Variants in TPCN2 observed in about 807,000 individuals in gnomAD.
TPCN2 encodes the protein two pore channel protein 2.
A neutral mutation model predicts 111.4 loss-of-function variants in TPCN2; 92 were observed. The observed-to-expected ratio is 0.83, with a 90% CI of 0.70 to 0.98. The LOEUF (loss-of-function observed/expected upper bound fraction) is 0.98. TPCN2 is among the 50% of genes least tolerant of loss of function. The probability of loss-of-function intolerance (pLI) is 0.00; values close to 1 mark genes in which losing one functional copy is unlikely to be tolerated. For missense variants in TPCN2, 995 were observed against 980.1 expected (o/e 1.02, Z -0.20); for synonymous variants, 405 against 414.5 (o/e 0.98, Z 0.28).
chr11:69,087,140 G>A lies in TPCN2; in HGVS notation c.2114G>A (p.Ser705Asn), dbSNP rs760181467. 4.3e-6 allele frequency: 7 copies of A among 1,613,898 alleles called. No individual in the cohort carries two copies. In the South Asian group the frequency reaches 4.4e-5, roughly 10 times the overall value. ...TTCCTTCACAAGTGGGACCCCCGCAGCCACCTGCAGCCCCTTGCTGGGACC... is the reference window on the plus strand; with the variant it reads ...TTCCTTCACAAGTGGGACCCCCGCAACCACCTGCAGCCCCTTGCTGGGACC... Reference protein sequence around the residue: ...ENFLHKWDPRSHLQPLAGTPE... With the variant: ...ENFLHKWDPRNHLQPLAGTPE... Residue 705 changes from serine to asparagine, a missense_variant, in exon 24 of 25, where the codon AGC becomes AAC. Physicochemically the swap from Ser to Asn is conservative, Grantham distance 46. Coordinates refer to ENST00000294309, the MANE Select transcript of TPCN2 (RefSeq NM_139075.4).
At chr11:69,052,741 C>T (rs904172377) in intron 1 of TPCN2, among the ~76,000 whole-genome samples, 2 of 152,182 alleles carry the variant, frequency 1.3e-5, no homozygotes, top group Non-Finnish European at 2.9e-5. Flanking sequence ...TGGCCAGTGG[C>T]GTGGGCGGGT....
intron 1 of TPCN2, among the ~76,000 whole-genome samples, chr11:69,053,820 T>A (rs1304774605): frequency 1.3e-5 from 2 of 152,214 alleles, no homozygotes; most frequent in East Asian, 3.8e-4. Context: ...TGCCGTGCCC[T>A]GGGCCTGGCC....
chr11:69,068,354 C>T (rs576629480), intron 8 of TPCN2, among the ~76,000 whole-genome samples: 144 of 106,032 alleles, frequency 1.4e-3, no homozygotes, highest in African/African-American at 5.2e-3. Flanking sequence ...GGGAGCAGGA[C>T]CGTCTGAGTC....
Position 69,078,960 on chromosome 11 carries a change from G to A in TPCN2, c.1479G>A (p.Leu493=). 6.2e-7 allele frequency: 1 copy of A among 1,614,066 alleles called. No homozygotes were observed. The part of the protein sequence containing the change: ...EMLLKVFALG[L]RGYLSYPSNV... ...TGCTCAAGGTCTTTGCCCTGGGCCT[G>A]CGAGGGTACCTGTCCTACCCCAGCA... The change falls in exon 16 of 25, where the codon CTG becomes CTA. Residue 493 remains leucine (L), a synonymous_variant. Coordinates refer to ENST00000294309, the MANE Select transcript of TPCN2 (RefSeq NM_139075.4).
At chr11:69,086,487 A>G (rs1183416709) in intron 22 of TPCN2, 36 bp from the exon 23 acceptor site, 7 of 1,586,514 alleles carry the variant, frequency 4.4e-6, no homozygotes, top group Non-Finnish European at 6.1e-6. Context: ...TGCTTTGCTC[A>G]TCGTGGTTCA....
At chr11:69,067,236 CT>C (rs1260798342) in intron 7 of TPCN2, among the ~76,000 whole-genome samples, 1 of 152,214 alleles carries the variant, frequency 6.6e-6, no homozygotes, top group African/African-American at 2.4e-5. Flanking sequence ...ACTAGGCTGG[CT>C]GAGGGCTTTT....
In TPCN2 at chr11:69,079,197, G is replaced by A. The variant is rs559468174; in HGVS notation, c.1539+177G>A. 274 of 786,282 alleles carry A rather than the reference G, an allele frequency of 3.5e-4. 3 individuals carry two copies. In the South Asian group the frequency reaches 4.0e-3, roughly 12 times the overall value. The allele number at this position is 786,282 out of a possible 1,614,324, so 48.7% of individuals were successfully genotyped here. A position where few individuals can be genotyped will look rare whatever the true frequency, so the allele number is the denominator to read the frequency against. On this transcript the variant is annotated intron_variant, in intron 16 of 24. Coordinates refer to ENST00000294309, the MANE Select transcript of TPCN2 (RefSeq NM_139075.4). ...TGGCCGAGTTGCTCAGTGGGCAGCCGGTGAGGTCTTTAGGAGGCTGGGTTT... is the reference window on the plus strand; with the variant it reads ...TGGCCGAGTTGCTCAGTGGGCAGCCAGTGAGGTCTTTAGGAGGCTGGGTTT...
intron 17 of TPCN2, among the ~76,000 whole-genome samples, chr11:69,081,198 G>T (rs534593454): frequency 6.6e-6 from 1 of 152,126 alleles, no homozygotes; most frequent in Non-Finnish European, 1.5e-5. Flanking sequence ...GGCTGCAGGT[G>T]GAAGCGGAGC....
chr11:69,058,346 G>A (rs897133456), intron 5 of TPCN2, among the ~76,000 whole-genome samples: 2 of 152,162 alleles, frequency 1.3e-5, no homozygotes, highest in Non-Finnish European at 2.9e-5. Flanking sequence ...CAGAACCACC[G>A]GGAGCAGTCC....
Position 69,048,956 on chromosome 11 carries a change from GC to G in TPCN2, c.-41del. The G allele has an allele frequency of 8.3e-7, 1 of 1,204,530 alleles. No homozygotes were observed. Among genetic ancestry groups the G allele is most frequent in the Non-Finnish European group, 1.0e-6 (1 of 959,888 alleles). 74.6% of individuals were successfully genotyped at this position (1,204,530 alleles called of 1,614,324 possible). ...CGCAGTGAAGCTGGGCGCCTTCGGG[GC>G]TTGAGCTTCTGAGGGTCGGGTCCAG... On this transcript the variant is annotated 5_prime_UTR_variant, in exon 1 of 25. Transcript: ENST00000294309.
At chr11:69,054,826 G>T (rs1416881010) in intron 3 of TPCN2, 29 bp downstream of exon 3, 1 of 1,607,544 alleles carries the variant, frequency 6.2e-7, no homozygotes, top group Admixed American at 1.7e-5. Context: ...GGAACTCAGG[G>T]TTCCTGCCGG....
intron 16 of TPCN2, chr11:69,079,350 G>A (rs895793394): frequency 1.1e-5 from 4 of 367,648 alleles, no homozygotes; most frequent in Admixed American, 4.4e-5. Context: ...ACTGATAGAC[G>A]GTGTGACCTC....
At position 69,085,682 on chromosome 11, in the gene TPCN2, C is replaced by T; in HGVS notation, c.1850C>T (p.Ala617Val). Residue 617 changes from alanine (A) to valine (V), a missense_variant, in exon 21 of 25, where the codon GCC becomes GTC. By Grantham distance (64) the Ala-to-Val change is moderately conservative (BLOSUM62 0). Coordinates refer to ENST00000294309, the MANE Select transcript of TPCN2 (RefSeq NM_139075.4). ...ALPGNSSLAP[A>V]NGSAPCGSFE... Reference sequence around the variant, plus strand: ...GTTGTGTTCCCCAGCCTGGCCCCTGCCAATGGCTCGGCGCCCTGTGGGAGC... The same window carrying T: ...GTTGTGTTCCCCAGCCTGGCCCCTGTCAATGGCTCGGCGCCCTGTGGGAGC... 6.2e-7 allele frequency: 1 copy of T among 1,613,156 alleles called. No homozygotes were observed. The highest frequency in any genetic ancestry group is 8.5e-7 in the Non-Finnish European group (1 of 1,179,224).
intron 20 of TPCN2, 101 bp downstream of exon 20, chr11:69,085,387 G>A (rs902744924): frequency 5.0e-6 from 6 of 1,211,392 alleles, no homozygotes; most frequent in Non-Finnish European, 7.4e-6. Flanking sequence ...CTCAGGATGG[G>A]AGGGTGTTCT....
At chr11:69,068,857 A>G (rs1855385970) in intron 8 of TPCN2, among the ~76,000 whole-genome samples, 1 of 6,054 alleles carries the variant, frequency 1.7e-4, no homozygotes, top group African/African-American at 3.6e-4. Context: ...CACTGGGAGC[A>G]GGACCGTCTG....
chr11:69,087,751 G>A, intron 24 of TPCN2, 124 bp from the exon 25 acceptor site: 3 of 681,290 alleles, frequency 4.4e-6, no homozygotes, highest in Non-Finnish European at 7.5e-6. Flanking sequence ...GAGTCCCCGT[G>A]TCTCTGTGTC....
Position 69,071,440 on chromosome 11 carries a change from C to T in TPCN2, c.960+20C>T. The T allele has an allele frequency of 2.5e-6, 4 of 1,606,458 alleles. No individual in the cohort carries two copies. Among genetic ancestry groups the T allele is most frequent in the Non-Finnish European group, 3.4e-6 (4 of 1,175,190 alleles). ...CTGATGGTGAGCGAGCTCCCCAATG[C>T]TGGCTGTGCCTGGAGCTGCCGGGAG... On this transcript the variant is annotated intron_variant, in intron 10 of 24. Coordinates refer to ENST00000294309, the MANE Select transcript of TPCN2 (RefSeq NM_139075.4).
intron 13 of TPCN2, among the ~76,000 whole-genome samples, chr11:69,077,459 G>T (rs1375132809): frequency 1.3e-5 from 2 of 152,306 alleles, no homozygotes; most frequent in Middle Eastern, 3.4e-3. Flanking sequence ...CGCTGAAAGG[G>T]ACCCTGCCCG....
chr11:69,057,615 T>C lies in TPCN2; in HGVS notation c.467T>C (p.Leu156Pro). The C allele has an allele frequency of 6.2e-7, 1 of 1,614,220 alleles. No individual in the cohort carries two copies. The highest frequency in any genetic ancestry group is 8.5e-7 in the Non-Finnish European group (1 of 1,180,030). ...LFGWAHFQKN[L>P]WLLGYLVVLV... ...GGGTGGGCCCATTTCCAGAAAAACCTTTGGCTGCTGGGCTACCTCGTGGTG... is the reference window on the plus strand; with the variant it reads ...GGGTGGGCCCATTTCCAGAAAAACCCTTGGCTGCTGGGCTACCTCGTGGTG... The change falls in exon 5 of 25, where the codon CTT becomes CCT. Residue 156 changes from leucine (L) to proline (P), a missense_variant. Transcript: ENST00000294309.
Sources: allele counts gnomAD v4.1 joint callset (sites outside exome capture counted in the v4.1 genomes callset), GRCh38; gene constraint gnomAD v4.1.1; transcripts MANE v1.5; gene names NCBI Gene and HGNC (gene_info 2026-07-23, HGNC 2026-07-21).